Variants in VIPR2 observed in about 807,000 individuals in gnomAD.
VIPR2 encodes the protein vasoactive intestinal polypeptide receptor 2.
VIPR2 carries 48 observed loss-of-function variants against 58.0 expected under a neutral mutation model. The ratio of observed to expected loss-of-function variants is 0.83; its 90% CI spans 0.66 to 1.05. The LOEUF (loss-of-function observed/expected upper bound fraction) is 1.05, where lower values mean the gene tolerates loss of function less well. VIPR2 is among the 50% of genes least tolerant of loss of function. The probability of loss-of-function intolerance (pLI) is 0.00; values close to 1 mark genes in which losing one functional copy is unlikely to be tolerated. For missense variants in VIPR2, 534 were observed against 558.0 expected, an observed-to-expected ratio of 0.96 and a Z score of 0.43; for synonymous variants, 243 against 235.2, an observed-to-expected ratio of 1.03 and a Z score of -0.30.
chr7:159,104,228 C>A (rs1044319311), intron 3 of VIPR2, among the ~76,000 whole-genome samples: 1 of 152,164 alleles, frequency 6.6e-6, no homozygotes, highest in African/African-American at 2.4e-5. Flanking sequence ...GCCCAGCCTG[C>A]CCCAGTTCCT....
At chr7:159,130,998 G>A (rs1796888549) in intron 2 of VIPR2, among the ~76,000 whole-genome samples, 1 of 152,180 alleles carries the variant, frequency 6.6e-6, no homozygotes, top group African/African-American at 2.4e-5. Context: ...GGCCCAGCAT[G>A]GCAGTCTCCT....
chr7:159,135,043 A>G (rs557700677), intron 2 of VIPR2, among the ~76,000 whole-genome samples: 13 of 106,542 alleles, frequency 1.2e-4, no homozygotes, highest in Admixed American at 9.9e-4. Context: ...CATTTTAAGT[A>G]ATTGGCCTAG....
At chr7:159,132,979 T>C (rs1203833267) in intron 2 of VIPR2, among the ~76,000 whole-genome samples, 26 of 144,810 alleles carry the variant, frequency 1.8e-4, no homozygotes, top group East Asian at 5.9e-4. Context: ...GGCATACCGA[T>C]TGATTTTAGA....
intron 4 of VIPR2, among the ~76,000 whole-genome samples, chr7:159,063,425 C>T (rs1036422235): frequency 6.6e-6 from 1 of 152,050 alleles, no homozygotes; most frequent in African/African-American, 2.4e-5. Context: ...GCCGGCCGGC[C>T]GCTCCAAGTG....
At chr7:159,121,375 G>A (rs563563794) in intron 2 of VIPR2, among the ~76,000 whole-genome samples, 7 of 152,276 alleles carry the variant, frequency 4.6e-5, no homozygotes, top group African/African-American at 1.7e-4. Flanking sequence ...CAAGGGCAGA[G>A]GTAACTATCA....
intron 2 of VIPR2, among the ~76,000 whole-genome samples, chr7:159,110,716 A>T (rs1024759508): frequency 9.9e-5 from 15 of 152,168 alleles, no homozygotes; most frequent in African/African-American, 3.6e-4. Flanking sequence ...ACAAACAAAC[A>T]AACAAACAAA....
At chr7:159,049,974 T>C (rs1046778788) in intron 5 of VIPR2, among the ~76,000 whole-genome samples, 1 of 152,218 alleles carries the variant, frequency 6.6e-6, no homozygotes, top group Non-Finnish European at 1.5e-5. Context: ...AATTTAAGTA[T>C]TTGTAATTTC....
intron 4 of VIPR2, among the ~76,000 whole-genome samples, chr7:159,088,087 T>C (rs1043691478): frequency 6.6e-6 from 1 of 152,214 alleles, no homozygotes; most frequent in Non-Finnish European, 1.5e-5. Context: ...GAGGGTCTTT[T>C]ACAGGGGAAG....
chr7:159,037,770 A>T, intron 6 of VIPR2, among the ~76,000 whole-genome samples: 1 of 150,214 alleles, frequency 6.7e-6, no homozygotes, highest in East Asian at 1.9e-4. Context: ...CTTCATGAGC[A>T]ACCATGAAAC....
intron 6 of VIPR2, among the ~76,000 whole-genome samples, chr7:159,037,561 T>TA (rs983822149): frequency 3.3e-5 from 5 of 152,144 alleles, no homozygotes; most frequent in African/African-American, 4.8e-5. Flanking sequence ...TCCTCAATTG[T>TA]AAAAAACTGG....
intron 4 of VIPR2, among the ~76,000 whole-genome samples, chr7:159,070,892 C>T (rs1454947637): frequency 6.6e-6 from 1 of 152,200 alleles, no homozygotes; most frequent in Non-Finnish European, 1.5e-5. Flanking sequence ...GCGGTGAGTG[C>T]TGAAGCACAC....
intron 2 of VIPR2, among the ~76,000 whole-genome samples, chr7:159,132,955 C>G (rs10275889): frequency 0.03 from 749 of 25,272 alleles, 3 homozygotes; most frequent in South Asian, 0.057. Context: ...AGATTGATTT[C>G]AGACAGAATG....
At chr7:159,039,168 T>TACACATGCAGC (rs1854162299) in intron 6 of VIPR2, among the ~76,000 whole-genome samples, 1 of 152,202 alleles carries the variant, frequency 6.6e-6, no homozygotes. Flanking sequence ...AATTTAAAAA[T>TACACATGCAGC]ACACATGCAG....
chr7:159,078,406 AT>A (rs568327957), intron 4 of VIPR2, among the ~76,000 whole-genome samples: 96 of 152,276 alleles, frequency 6.3e-4, no homozygotes, highest in African/African-American at 2.1e-3. Context: ...CCCCATGTTT[AT>A]CTTGTCTTAG....
intron 5 of VIPR2, among the ~76,000 whole-genome samples, chr7:159,046,693 A>G (rs1034950507): frequency 1.3e-5 from 2 of 152,098 alleles, no homozygotes; most frequent in Admixed American, 6.5e-5. Flanking sequence ...TGTTATGGGT[A>G]TTTTACCACA....
chr7:159,040,599 T>C (rs1854268324), intron 6 of VIPR2, among the ~76,000 whole-genome samples: 1 of 152,214 alleles, frequency 6.6e-6, no homozygotes, highest in African/African-American at 2.4e-5. Context: ...TGGCTGATCC[T>C]AATATCATGA....
In VIPR2 at chr7:159,045,219, C is replaced by T. The variant is rs140222964; in HGVS notation, c.456-2043G>A. ...GAGACTTGTGGAATTCCATCAAGTG[C>T]ACCAGCACACGCATGGGGGAGTGCC... On this transcript the variant is annotated intron_variant, in intron 5 of 12. Coordinates refer to ENST00000262178, the MANE Select transcript of VIPR2 (RefSeq NM_003382.5). 1.4e-4 allele frequency among the ~76,000 whole-genome samples: 21 copies of T among 152,296 alleles called. No homozygotes were observed. The East Asian group carries it at 3.9e-3, about 28-fold the overall frequency.
chr7:159,043,581 C>T (rs763197309), intron 5 of VIPR2, among the ~76,000 whole-genome samples: 15 of 152,162 alleles, frequency 9.9e-5, no homozygotes, highest in East Asian at 9.7e-4. Flanking sequence ...ACCAAGTGAA[C>T]GCTTAGCCGG....
intron 1 of VIPR2, among the ~76,000 whole-genome samples, chr7:159,144,031 C>T (rs1317899794): frequency 6.6e-6 from 1 of 152,222 alleles, no homozygotes; most frequent in Non-Finnish European, 1.5e-5. Context: ...GCCTCGGCTG[C>T]GACGCGCACG....
Sources: allele counts gnomAD v4.1 joint callset (sites outside exome capture counted in the v4.1 genomes callset), GRCh38; gene constraint gnomAD v4.1.1; transcripts MANE v1.5; gene names NCBI Gene and HGNC (gene_info 2026-07-23, HGNC 2026-07-21).